GXYLT2: variants seen among roughly 807,000 people sequenced by gnomAD.
GXYLT2 encodes the protein glucoside xylosyltransferase 2.
GXYLT2 carries 53 observed loss-of-function variants against 45.8 expected under a neutral mutation model. The observed-to-expected ratio is 1.16, with a 90% CI of 0.93 to 1.46. The LOEUF (loss-of-function observed/expected upper bound fraction) is 1.46, where lower values mean the gene tolerates loss of function less well. GXYLT2 is among the 40% of genes most tolerant of loss of function. The probability of loss-of-function intolerance (pLI) is 0.00; values close to 1 mark genes in which losing one functional copy is unlikely to be tolerated. For synonymous variants in GXYLT2, 219 were observed against 214.2 expected (o/e 1.02, Z -0.19); for missense variants, 551 against 544.4 (o/e 1.01, Z -0.12).
At chr3:72,894,199 G>A (rs147614380) in intron 1 of GXYLT2, among the ~76,000 whole-genome samples, 1 of 152,356 alleles carries the variant, frequency 6.6e-6, no homozygotes, top group Non-Finnish European at 1.5e-5. Flanking sequence ...GGTCCTTGAG[G>A]ACACTGCTGA....
intron 3 of GXYLT2, among the ~76,000 whole-genome samples, chr3:72,929,871 AAC>A (rs1474625429): frequency 6.6e-6 from 1 of 152,224 alleles, no homozygotes; most frequent in Non-Finnish European, 1.5e-5. Flanking sequence ...ATCAAATAAA[AAC>A]ACAGAGTTGC....
At chr3:72,919,787 G>T (rs1709799192) in intron 2 of GXYLT2, among the ~76,000 whole-genome samples, 1 of 152,146 alleles carries the variant, frequency 6.6e-6, no homozygotes, top group Non-Finnish European at 1.5e-5. Context: ...GAGAGGGCAG[G>T]CAGGAATGTT....
At chr3:72,937,725 CCTT>C (rs1710218577) in intron 3 of GXYLT2, among the ~76,000 whole-genome samples, 1 of 152,124 alleles carries the variant, frequency 6.6e-6, no homozygotes, top group Non-Finnish European at 1.5e-5. Context: ...CAAAATACCT[CCTT>C]AGGAAAATTC....
chr3:72,963,243 C>G (rs949405034), intron 5 of GXYLT2, among the ~76,000 whole-genome samples: 1 of 152,170 alleles, frequency 6.6e-6, no homozygotes, highest in Admixed American at 6.5e-5. Context: ...AGTTCATAAT[C>G]TTAGAGATCC....
intron 3 of GXYLT2, among the ~76,000 whole-genome samples, chr3:72,935,073 C>A (rs1710150682): frequency 6.6e-6 from 1 of 151,974 alleles, no homozygotes. Context: ...GGGTTCAAAA[C>A]AAACAAAGGG....
chr3:72,931,436 A>G (rs948967917), intron 3 of GXYLT2, among the ~76,000 whole-genome samples: 20 of 151,902 alleles, frequency 1.3e-4, no homozygotes, highest in Non-Finnish European at 2.9e-5. Context: ...TCACCATGTT[A>G]GCCAGGATGG....
intron 2 of GXYLT2, 131 bp from the exon 3 acceptor site, chr3:72,922,072 TA>T (rs1413270187): frequency 9.5e-6 from 7 of 738,040 alleles, no homozygotes; most frequent in Non-Finnish European, 1.6e-5. Context: ...TGAACATTCA[TA>T]GTGGTGATGA....
At chr3:72,938,130 G>C (rs1185060406) in intron 3 of GXYLT2, among the ~76,000 whole-genome samples, 1 of 152,110 alleles carries the variant, frequency 6.6e-6, no homozygotes, top group African/African-American at 2.4e-5. Context: ...AATGTAAAAG[G>C]TCTTTGATCT....
At chr3:72,905,403 G>A (rs375679725) in intron 1 of GXYLT2, among the ~76,000 whole-genome samples, 7 of 152,276 alleles carry the variant, frequency 4.6e-5, no homozygotes, top group South Asian at 2.1e-4. Context: ...ATGAGCCACC[G>A]CACTGGCCTG....
intron 1 of GXYLT2, among the ~76,000 whole-genome samples, chr3:72,894,198 G>A (rs1263719087): frequency 6.6e-6 from 1 of 152,182 alleles, no homozygotes; most frequent in Non-Finnish European, 1.5e-5. Context: ...AGGTCCTTGA[G>A]GACACTGCTG....
intron 2 of GXYLT2, among the ~76,000 whole-genome samples, chr3:72,915,495 A>AG (rs569669623): frequency 8.1e-4 from 123 of 151,134 alleles, no homozygotes; most frequent in Admixed American, 2.6e-3. Context: ...GATGTGGGGG[A>AG]GGTCTCAGGC....
intron 3 of GXYLT2, among the ~76,000 whole-genome samples, chr3:72,944,371 C>G (rs1198291045): frequency 6.6e-6 from 1 of 151,866 alleles, no homozygotes; most frequent in Non-Finnish European, 1.5e-5. Flanking sequence ...TCTCCTGCCT[C>G]AGCCTCCCGA....
Position 72,930,571 on chromosome 3 carries a change from C to T in GXYLT2, c.600+8236C>T, listed in dbSNP as rs113200263. 8.7e-3 allele frequency among the ~76,000 whole-genome samples: 1,199 copies of T among 138,452 alleles called. 13 individuals carry two copies. The highest frequency in any genetic ancestry group is 0.03 in the African/African-American group (1,152 of 38,272). 90.8% of individuals were successfully genotyped at this position (138,452 alleles called of 152,430 possible). On this transcript the variant is annotated intron_variant, in intron 3 of 6. Transcript: ENST00000389617. ...TAGGAGATATGAGTGCCCCTCTTTT[C>T]TTTTTCTTTTTCTTCTTCTTCTTTT... is the stretch of plus-strand genomic sequence containing the variant.
intron 1 of GXYLT2, 64 bp from the exon 2 acceptor site, chr3:72,908,303 G>T: frequency 3.3e-6 from 4 of 1,227,874 alleles, no homozygotes; most frequent in Non-Finnish European, 3.4e-6. Flanking sequence ...TCACTCGCCG[G>T]TTTTTTGTTG....
rs28668367 is a variant in GXYLT2, at chr3:72,972,701, T to C, written c.1150-2276T>C. ...GGTGGGGGAAGCCAGACAATACTGA[T>C]TGAGAAAAAGAAAGAAAAATTCAGC... is the stretch of plus-strand genomic sequence containing the variant. On this transcript the variant is annotated intron_variant, in intron 6 of 6. Transcript: ENST00000389617. Among the ~76,000 whole-genome samples, 1,092 of 137,260 alleles carry C rather than the reference T, an allele frequency of 8.0e-3. 17 individuals carry two copies. The highest frequency in any genetic ancestry group is 0.028 in the African/African-American group (1,026 of 36,268). The allele number at this position is 137,260 out of a possible 152,430, so 90.0% of individuals were successfully genotyped here.
At chr3:72,974,322 A>G (rs2107163236) in intron 6 of GXYLT2, among the ~76,000 whole-genome samples, 1 of 152,352 alleles carries the variant, frequency 6.6e-6, no homozygotes, top group Admixed American at 6.5e-5. Context: ...ACAACCACTA[A>G]TATTTGGTAC....
chr3:72,972,898 C>G (rs1366290114), intron 6 of GXYLT2, among the ~76,000 whole-genome samples: 1 of 151,918 alleles, frequency 6.6e-6, no homozygotes, highest in Non-Finnish European at 1.5e-5. Context: ...GATGGCCCCA[C>G]TGTACTCCAG....
chr3:72,897,438 T>A (rs1575774747), intron 1 of GXYLT2, among the ~76,000 whole-genome samples: 1 of 152,132 alleles, frequency 6.6e-6, no homozygotes, highest in Non-Finnish European at 1.5e-5. Flanking sequence ...CCAGCAAAAG[T>A]CCCAGGGCTG....
chr3:72,929,631 A>G lies in GXYLT2; in HGVS notation c.600+7296A>G. The G allele has an allele frequency of 3.4e-6, 3 of 892,434 alleles. No individual in the cohort carries two copies. The East Asian group carries it at 7.2e-5, about 21-fold the overall frequency. 55.3% of individuals were successfully genotyped at this position (892,434 alleles called of 1,614,324 possible). A position where few individuals can be genotyped will look rare whatever the true frequency, so the allele number is the denominator to read the frequency against. Reference sequence around the variant, plus strand: ...CTAATTTCCCCATAGCCATGGGGTGACTTCCCTGGTCACCAAGGCAGTGCA... The same window carrying G: ...CTAATTTCCCCATAGCCATGGGGTGGCTTCCCTGGTCACCAAGGCAGTGCA... On this transcript the variant is annotated intron_variant, in intron 3 of 6. Coordinates refer to ENST00000389617, the MANE Select transcript of GXYLT2 (RefSeq NM_001080393.2).
Sources: allele counts gnomAD v4.1 joint callset (sites outside exome capture counted in the v4.1 genomes callset), GRCh38; gene constraint gnomAD v4.1.1; transcripts MANE v1.5; gene names NCBI Gene and HGNC (gene_info 2026-07-23, HGNC 2026-07-21).